The following FAR2 variants were observed in gnomAD, a reference collection of about 807,000 sequenced individuals.
FAR2 encodes fatty acyl-CoA reductase 2.
FAR2 carries 19 observed loss-of-function variants against 56.0 expected under a neutral mutation model. That is an observed-to-expected ratio of 0.34 (90% CI 0.24 to 0.50). FAR2 has a LOEUF of 0.50. Ranked by LOEUF, FAR2 falls within the 20% of genes least tolerant of loss-of-function variation. FAR2 has a pLI of 0.98. For missense variants in FAR2, 508 were observed against 642.2 expected (o/e 0.79, Z 2.26); for synonymous variants, 219 against 218.8 (o/e 1.00, Z -0.01).
chr12:29,185,843 C>G (rs964433607), intron 1 of FAR2, among the ~76,000 whole-genome samples: 1 of 152,154 alleles, frequency 6.6e-6, no homozygotes, highest in African/African-American at 2.4e-5. Context: ...GCCCATTCAA[C>G]AAATAATTAT....
At chr12:29,256,391 A>G (rs1031033051) in intron 1 of FAR2, among the ~76,000 whole-genome samples, 2 of 152,006 alleles carry the variant, frequency 1.3e-5, no homozygotes, top group African/African-American at 4.8e-5. Context: ...TCTCACTATA[A>G]TGCCTAGTCT....
chr12:29,289,850 G>A (rs1225156394), intron 2 of FAR2, among the ~76,000 whole-genome samples: 2 of 152,098 alleles, frequency 1.3e-5, no homozygotes, highest in Non-Finnish European at 2.9e-5. Flanking sequence ...ACAGTAAAAA[G>A]TATAATAATC....
At chr12:29,325,638 TC>T (rs1268839659) in intron 10 of FAR2, among the ~76,000 whole-genome samples, 13 of 152,106 alleles carry the variant, frequency 8.5e-5, no homozygotes, top group African/African-American at 3.1e-4. Flanking sequence ...AACAACCTGC[TC>T]CTCAGTGACT....
At chr12:29,295,751 A>G (rs1365060636) in intron 3 of FAR2, among the ~76,000 whole-genome samples, 3 of 128,358 alleles carry the variant, frequency 2.3e-5, no homozygotes, top group Admixed American at 1.7e-4. Flanking sequence ...GTGATTTTTT[A>G]CGTAATTTTT....
chr12:29,227,923 A>T (rs1947795750), intron 1 of FAR2, among the ~76,000 whole-genome samples: 1 of 152,026 alleles, frequency 6.6e-6, no homozygotes, highest in African/African-American at 2.4e-5. Context: ...TTAAGAAGTA[A>T]GTTCTAATGA....
chr12:29,248,152 A>T (rs578203017), intron 1 of FAR2, among the ~76,000 whole-genome samples: 14 of 152,310 alleles, frequency 9.2e-5, no homozygotes, highest in African/African-American at 2.9e-4. Context: ...ACTGGAGTGA[A>T]GCTCTGCTGC....
chr12:29,198,009 C>T (rs1036831295), intron 1 of FAR2, among the ~76,000 whole-genome samples: 11 of 152,108 alleles, frequency 7.2e-5, no homozygotes, highest in Non-Finnish European at 1.5e-4. Context: ...GTAATGGTGA[C>T]ATTAAATGTA....
intron 1 of FAR2, among the ~76,000 whole-genome samples, chr12:29,188,036 C>T (rs143665865): frequency 6.6e-6 from 1 of 152,336 alleles, no homozygotes; most frequent in East Asian, 1.9e-4. Context: ...ACTGTATAGA[C>T]TGCTCATCCC....
At chr12:29,198,037 A>G (rs930793864) in intron 1 of FAR2, among the ~76,000 whole-genome samples, 1 of 152,198 alleles carries the variant, frequency 6.6e-6, no homozygotes, top group Non-Finnish European at 1.5e-5. Flanking sequence ...TAGATGTGAC[A>G]TTGCTGCCTC....
chr12:29,309,834 G>C (rs942682537), intron 6 of FAR2: 5 of 152,416 alleles, frequency 3.3e-5, no homozygotes, highest in African/African-American at 4.8e-5. Context: ...AGTCCAGATT[G>C]ATCCAGCCAA....
At chr12:29,166,049 T>A (rs1949824327) in intron 1 of FAR2, among the ~76,000 whole-genome samples, 1 of 152,260 alleles carries the variant, frequency 6.6e-6, no homozygotes, top group Non-Finnish European at 1.5e-5. Flanking sequence ...TCACTACTTG[T>A]CTCTGATCCT....
intron 1 of FAR2, among the ~76,000 whole-genome samples, chr12:29,150,938 C>T (rs2136568609): frequency 6.6e-6 from 1 of 152,214 alleles, no homozygotes; most frequent in Non-Finnish European, 1.5e-5. Flanking sequence ...ATATGCTTTC[C>T]TTAAAGGAAG....
chr12:29,283,183 T>G (rs1006627504), intron 2 of FAR2, among the ~76,000 whole-genome samples: 12 of 152,204 alleles, frequency 7.9e-5, no homozygotes, highest in East Asian at 3.8e-4. Context: ...GAATCATGTT[T>G]TATAAAATAG....
intron 4 of FAR2, among the ~76,000 whole-genome samples, chr12:29,301,090 C>T (rs1011250651): frequency 1.3e-5 from 2 of 152,180 alleles, no homozygotes; most frequent in Non-Finnish European, 2.9e-5. Context: ...CTTTCTTTAG[C>T]CCCTATCTAA....
intron 10 of FAR2, 101 bp downstream of exon 10, chr12:29,322,025 T>C: frequency 5.2e-6 from 7 of 1,338,556 alleles, no homozygotes; most frequent in Admixed American, 2.8e-5. Flanking sequence ...CGTTTGGTTA[T>C]AGACACAGAT....
chr12:29,274,851 G>A (rs979051419), intron 2 of FAR2, among the ~76,000 whole-genome samples: 1 of 148,518 alleles, frequency 6.7e-6, no homozygotes, highest in African/African-American at 2.5e-5. Flanking sequence ...ATCTCCCTTC[G>A]CTGACTCTCT....
chr12:29,243,830 C>T (rs371633052), intron 1 of FAR2, among the ~76,000 whole-genome samples: 3 of 152,032 alleles, frequency 2.0e-5, no homozygotes, highest in African/African-American at 7.3e-5. Flanking sequence ...ATGTATTCTT[C>T]TTGGAATATC....
chr12:29,261,250 T>C (rs1176657810), intron 1 of FAR2, among the ~76,000 whole-genome samples: 2 of 152,050 alleles, frequency 1.3e-5, no homozygotes, highest in Non-Finnish European at 2.9e-5. Flanking sequence ...AATTAAAGAA[T>C]CAAGCAGAAA....
At chr12:29,212,139 C>T (rs1947557425) in intron 1 of FAR2, among the ~76,000 whole-genome samples, 1 of 151,910 alleles carries the variant, frequency 6.6e-6, no homozygotes, top group Non-Finnish European at 1.5e-5. Context: ...TTTTTGAGAA[C>T]AAATACCTAT....
Sources: allele counts gnomAD v4.1 joint callset (sites outside exome capture counted in the v4.1 genomes callset), GRCh38; gene constraint gnomAD v4.1.1; transcripts MANE v1.5; gene names NCBI Gene and HGNC (gene_info 2026-07-23, HGNC 2026-07-21).